Variants in PDE10A observed in about 807,000 individuals in gnomAD.
PDE10A encodes cAMP and cAMP-inhibited cGMP 3',5'-cyclic phosphodiesterase 10A.
In PDE10A, 39 loss-of-function variants were observed where a neutral mutation model predicts 97.7. That is an observed-to-expected ratio of 0.40 (90% CI 0.31 to 0.52). PDE10A has a LOEUF of 0.52. Ranked by LOEUF, PDE10A falls within the 20% of genes least tolerant of loss-of-function variation. The pLI is 0.56. For synonymous variants in PDE10A, 371 were observed against 376.8 expected (o/e 0.98, Z 0.18); for missense variants, 731 against 1,047.8 (o/e 0.70, Z 4.17).
chr6:165,560,738 T>C (rs900936983), intron 1 of PDE10A, among the ~76,000 whole-genome samples: 4 of 152,224 alleles, frequency 2.6e-5, no homozygotes, highest in African/African-American at 7.2e-5. Flanking sequence ...ATACTTTGTT[T>C]AGTGTAAGCA....
At chr6:165,854,392 C>G (rs73033995) in intron 1 of PDE10A, among the ~76,000 whole-genome samples, 30,326 of 152,120 alleles carry the variant, frequency 0.2, 3,699 homozygotes, top group Non-Finnish European at 0.28. Flanking sequence ...GGAGAGAAAG[C>G]CAAGACCAGG....
At chr6:165,439,277 G>T in intron 5 of PDE10A, among the ~76,000 whole-genome samples, 1 of 152,110 alleles carries the variant, frequency 6.6e-6, no homozygotes, top group African/African-American at 2.4e-5. Flanking sequence ...GTGTTGAACT[G>T]AGTCTCTAAG....
Position 165,563,872 on chromosome 6 carries a change from C to A in PDE10A, c.866-20304G>T, listed in dbSNP as rs189882981. ...TGCCACTGCACTCCAGTCTGGGCGACAGAGGGAGACTGTCTCAAAAAAAAA... is the reference window on the plus strand; with the variant it reads ...TGCCACTGCACTCCAGTCTGGGCGAAAGAGGGAGACTGTCTCAAAAAAAAA... On this transcript the variant is annotated intron_variant, in intron 1 of 21. Transcript: ENST00000539869. 1.7e-3 allele frequency among the ~76,000 whole-genome samples: 244 copies of A among 145,840 alleles called. 2 individuals are homozygous for A. The highest frequency in any genetic ancestry group is 5.8e-3 in the African/African-American group (224 of 38,910).
chr6:165,979,996 G>GTAT (rs1357039710), intron 1 of PDE10A, among the ~76,000 whole-genome samples: 1 of 152,194 alleles, frequency 6.6e-6, no homozygotes, highest in African/African-American at 2.4e-5. Context: ...CTGCGCCTAT[G>GTAT]TATTGTTACT....
At chr6:165,978,012 G>T (rs1784900435) in intron 1 of PDE10A, among the ~76,000 whole-genome samples, 1 of 152,220 alleles carries the variant, frequency 6.6e-6, no homozygotes, top group South Asian at 2.1e-4. Context: ...CATTCCTACA[G>T]AAGAGTCCCA....
chr6:165,690,255 A>T (rs547039603), intron 1 of PDE10A, among the ~76,000 whole-genome samples: 12 of 152,312 alleles, frequency 7.9e-5, no homozygotes, highest in Non-Finnish European at 1.5e-4. Context: ...TAATTTCCCC[A>T]TAAGTTTGGA....
intron 1 of PDE10A, among the ~76,000 whole-genome samples, chr6:165,919,418 C>A (rs935548220): frequency 6.6e-6 from 1 of 152,206 alleles, no homozygotes; most frequent in Non-Finnish European, 1.5e-5. Flanking sequence ...TAGTTAATAG[C>A]AAGATCTTGG....
In PDE10A at chr6:165,621,443, C is replaced by T. The variant is rs151103495; in HGVS notation, c.865+40504G>A. Among the ~76,000 whole-genome samples, 454 of 152,182 alleles carry T rather than the reference C, an allele frequency of 3.0e-3. 3 individuals are homozygous for T. Among genetic ancestry groups the T allele is most frequent in the African/African-American group, 9.7e-3 (404 of 41,520 alleles). On this transcript the variant is annotated intron_variant, in intron 1 of 21. Coordinates refer to ENST00000539869, the MANE Select transcript of PDE10A (RefSeq NM_001385079.1). ...AATAGGATCTCCGGCAGGCTGCATA[C>T]GATTGAAACTGTCAGTAAAGAAACA... is the stretch of plus-strand genomic sequence containing the variant.
chr6:165,494,534 A>T (rs4709078), intron 2 of PDE10A, among the ~76,000 whole-genome samples: 7,774 of 143,988 alleles, frequency 0.054, 368 homozygotes, highest in East Asian at 0.23. Flanking sequence ...ATATATATAT[A>T]TATTTATTTA....
intron 3 of PDE10A, among the ~76,000 whole-genome samples, chr6:165,452,106 A>AG (rs1195853661): frequency 6.6e-6 from 1 of 152,170 alleles, no homozygotes; most frequent in African/African-American, 2.4e-5. Context: ...ACACATTTAC[A>AG]GGGGGAGCCC....
chr6:165,883,975 C>T lies in PDE10A; in HGVS notation c.-615+103554G>A, dbSNP rs150139603. ...GAGGGGAAGCCAGGTATGCCGACTC[C>T]GGAGAGAAAGCCCACCAGCACCCAG... On this transcript the variant is annotated intron_variant, in intron 1 of 19. Transcript: ENST00000366882. Among the ~76,000 whole-genome samples, 1,106 of 152,232 alleles carry T rather than the reference C, an allele frequency of 7.3e-3. 6 individuals carry two copies. Among genetic ancestry groups the T allele is most frequent in the Non-Finnish European group, 0.012 (822 of 68,010 alleles).
At chr6:165,471,221 C>T (rs1164449841) in intron 3 of PDE10A, among the ~76,000 whole-genome samples, 1 of 152,058 alleles carries the variant, frequency 6.6e-6, no homozygotes, top group Non-Finnish European at 1.5e-5. Flanking sequence ...GAAACATATG[C>T]CCCTGATTCT....
chr6:165,614,031 G>A (rs558886194), intron 1 of PDE10A, among the ~76,000 whole-genome samples: 1 of 152,180 alleles, frequency 6.6e-6, no homozygotes, highest in South Asian at 2.1e-4. Context: ...CACTTCTGCC[G>A]TGTGCAACCA....
chr6:165,794,277 CACTT>C (rs1415722616), intron 1 of PDE10A, among the ~76,000 whole-genome samples: 1 of 150,978 alleles, frequency 6.6e-6, no homozygotes, highest in African/African-American at 2.4e-5. Context: ...ACTCATCACA[CACTT>C]ATGCACTCCC....
At chr6:165,835,556 C>T (rs1330463488) in intron 1 of PDE10A, among the ~76,000 whole-genome samples, 1 of 152,210 alleles carries the variant, frequency 6.6e-6, no homozygotes, top group East Asian at 1.9e-4. Context: ...CCCACAGAGC[C>T]CCCAGGGAAG....
chr6:165,943,222 AGAAAGAAAGAAAGAAGGAAG>A (rs1474899566), intron 1 of PDE10A, among the ~76,000 whole-genome samples: 740 of 64,456 alleles, frequency 0.011, 17 homozygotes, highest in African/African-American at 0.024. Context: ...AAAGAAAGAA[AGAAAGAAAGAAAGAAGGAAG>A]GAAGGAAGGA....
chr6:165,651,886 A>T (rs893355368), intron 1 of PDE10A, among the ~76,000 whole-genome samples: 1 of 152,266 alleles, frequency 6.6e-6, no homozygotes, highest in South Asian at 2.1e-4. Context: ...TCCTCAAATC[A>T]TGTATTCAGT....
intron 21 of PDE10A, among the ~76,000 whole-genome samples, chr6:165,334,267 C>T (rs1393305068): frequency 1.3e-5 from 2 of 152,320 alleles, no homozygotes; most frequent in Non-Finnish European, 2.9e-5. Flanking sequence ...AGGAAGGCAC[C>T]TCCATAGCGC....
At chr6:165,684,110 C>T (rs912367536) in intron 1 of PDE10A, among the ~76,000 whole-genome samples, 2 of 152,156 alleles carry the variant, frequency 1.3e-5, no homozygotes, top group African/African-American at 4.8e-5. Flanking sequence ...AAGTACAAGG[C>T]TCTCTCCTCT....
Sources: gnomAD v4.1 joint callset for allele counts (sites outside exome capture counted in the v4.1 genomes callset) on GRCh38, gnomAD v4.1.1 for gene constraint, MANE v1.5 for transcripts, NCBI Gene and HGNC (gene_info 2026-07-23, HGNC 2026-07-21) for gene names.